The following ADAMTS17 variants were observed in gnomAD, a reference collection of about 807,000 sequenced individuals.
The protein encoded by ADAMTS17 is A disintegrin and metalloproteinase with thrombospondin motifs 17.
In ADAMTS17, 113 loss-of-function variants were observed where a neutral mutation model predicts 141.5. That is an observed-to-expected ratio of 0.80 (90% CI 0.69 to 0.93). The LOEUF is 0.93. ADAMTS17 is among the 40% of genes least tolerant of loss of function. ADAMTS17 has a pLI of 0.00. For synonymous variants in ADAMTS17, 768 were observed against 630.6 expected (o/e 1.22, Z -3.27); for missense variants, 1,659 against 1,517.9 (o/e 1.09, Z -1.54).
At chr15:100,240,726 C>G (rs906603338) in intron 7 of ADAMTS17, among the ~76,000 whole-genome samples, 1 of 152,244 alleles carries the variant, frequency 6.6e-6, no homozygotes, top group Non-Finnish European at 1.5e-5. Context: ...TATTCTTTGT[C>G]AAGACGCGGT....
chr15:100,008,227 G>A (rs2061076847), intron 18 of ADAMTS17, among the ~76,000 whole-genome samples: 1 of 152,070 alleles, frequency 6.6e-6, no homozygotes, highest in South Asian at 2.1e-4. Flanking sequence ...CCTGCCCAGA[G>A]GTGCCTGGGA....
chr15:100,271,447 G>T (rs1208212269), intron 4 of ADAMTS17, among the ~76,000 whole-genome samples: 3 of 152,186 alleles, frequency 2.0e-5, no homozygotes, highest in African/African-American at 4.8e-5. Flanking sequence ...TGGATGTGAA[G>T]TGGTACTTTA....
intron 3 of ADAMTS17, among the ~76,000 whole-genome samples, chr15:100,329,975 T>C (rs1299943036): frequency 6.6e-6 from 1 of 152,196 alleles, no homozygotes; most frequent in Non-Finnish European, 1.5e-5. Flanking sequence ...TGCATTTTCA[T>C]ACAAAGATAA....
chr15:100,310,036 G>C (rs1469550037), intron 3 of ADAMTS17, among the ~76,000 whole-genome samples: 5 of 152,226 alleles, frequency 3.3e-5, no homozygotes, highest in Admixed American at 2.0e-4. Context: ...TGCAACAGCC[G>C]AGCCGTCCTC....
intron 18 of ADAMTS17, among the ~76,000 whole-genome samples, chr15:100,018,545 T>G (rs1468597766): frequency 6.6e-6 from 1 of 152,202 alleles, no homozygotes; most frequent in African/African-American, 2.4e-5. Flanking sequence ...CCCACTTCTC[T>G]CTCTTCCTCC....
intron 18 of ADAMTS17, among the ~76,000 whole-genome samples, chr15:100,020,395 G>A (rs372534856): frequency 6.6e-6 from 1 of 152,194 alleles, no homozygotes; most frequent in Admixed American, 6.5e-5. Context: ...GTGTTCGAAG[G>A]GGCAGAGGCA....
intron 18 of ADAMTS17, among the ~76,000 whole-genome samples, chr15:100,034,743 C>T (rs181711606): frequency 1.6e-3 from 239 of 152,308 alleles, no homozygotes; most frequent in African/African-American, 5.5e-3. Context: ...CAGATATCTC[C>T]ATCCTGCTCC....
chr15:100,012,488 G>A (rs932587892), intron 18 of ADAMTS17, among the ~76,000 whole-genome samples: 5 of 152,100 alleles, frequency 3.3e-5, no homozygotes, highest in African/African-American at 7.2e-5. Context: ...TTTTTCCAAC[G>A]TTATCTTCTA....
intron 20 of ADAMTS17, among the ~76,000 whole-genome samples, chr15:99,977,059 G>C (rs997508214): frequency 6.6e-6 from 1 of 152,104 alleles, no homozygotes; most frequent in African/African-American, 2.4e-5. Flanking sequence ...TGGGCATGGA[G>C]AAGAGCCCAG....
chr15:100,289,465 A>T (rs959976670), intron 3 of ADAMTS17, among the ~76,000 whole-genome samples: 2 of 151,812 alleles, frequency 1.3e-5, no homozygotes, highest in African/African-American at 2.4e-5. Flanking sequence ...AGGAGGAGGG[A>T]CTCCTCCCTA....
At chr15:100,051,489 ACT>A in intron 17 of ADAMTS17, 81 bp downstream of exon 17, 1 of 1,586,958 alleles carries the variant, frequency 6.3e-7, no homozygotes, top group Non-Finnish European at 8.6e-7. Flanking sequence ...GATGTCTCAC[ACT>A]CTGCGTGCTG....
At chr15:100,148,027 A>G (rs1337401973) in intron 10 of ADAMTS17, among the ~76,000 whole-genome samples, 1 of 152,144 alleles carries the variant, frequency 6.6e-6, no homozygotes, top group Non-Finnish European at 1.5e-5. Context: ...TCATGCTTCT[A>G]TTGCTACATC....
At chr15:100,227,233 T>C (rs1352275753) in intron 7 of ADAMTS17, among the ~76,000 whole-genome samples, 1 of 152,178 alleles carries the variant, frequency 6.6e-6, no homozygotes, top group African/African-American at 2.4e-5. Flanking sequence ...GTCAAACCTC[T>C]GACTCAGGCC....
At chr15:99,989,351 G>C (rs999182059) in intron 20 of ADAMTS17, among the ~76,000 whole-genome samples, 1 of 152,176 alleles carries the variant, frequency 6.6e-6, no homozygotes, top group Admixed American at 6.5e-5. Flanking sequence ...CTCCTGCCCC[G>C]GACCCCTGTG....
intron 20 of ADAMTS17, among the ~76,000 whole-genome samples, chr15:99,983,116 T>C (rs2466951): frequency 0.066 from 10,007 of 152,190 alleles, 979 homozygotes; most frequent in African/African-American, 0.21. Flanking sequence ...TACTGAGACA[T>C]TGTGCAAGCG....
intron 7 of ADAMTS17, among the ~76,000 whole-genome samples, chr15:100,247,487 G>A (rs9920022): frequency 0.032 from 4,818 of 152,152 alleles, 263 homozygotes; most frequent in African/African-American, 0.11. Context: ...CACTTGTGAC[G>A]GAAATTCCCC....
At chr15:100,112,285 G>T (rs931487695) in intron 13 of ADAMTS17, among the ~76,000 whole-genome samples, 1 of 152,122 alleles carries the variant, frequency 6.6e-6, no homozygotes, top group Non-Finnish European at 1.5e-5. Flanking sequence ...TGCAGACACT[G>T]CCCTCCACAG....
At chr15:100,334,055 T>C (rs1380832143) in intron 2 of ADAMTS17, among the ~76,000 whole-genome samples, 2 of 152,198 alleles carry the variant, frequency 1.3e-5, no homozygotes, top group Non-Finnish European at 2.9e-5. Flanking sequence ...TCAGCAGTTG[T>C]GAGTGGTTAC....
intron 15 of ADAMTS17, among the ~76,000 whole-genome samples, chr15:100,089,375 C>T: frequency 7.0e-6 from 1 of 143,272 alleles, no homozygotes; most frequent in East Asian, 2.2e-4. Context: ...CACTTTTACA[C>T]TGTTGGTGGG....
Sources: allele counts gnomAD v4.1 joint callset (sites outside exome capture counted in the v4.1 genomes callset), GRCh38; gene constraint gnomAD v4.1.1; transcripts MANE v1.5; gene names NCBI Gene and HGNC (gene_info 2026-07-23, HGNC 2026-07-21).